COL19A1: variants seen among roughly 807,000 people sequenced by gnomAD.
The protein encoded by COL19A1 is collagen type XIX alpha 1 chain, also known as collagen alpha-1(XIX) chain.
Under a neutral mutation model 190.2 loss-of-function variants are expected in COL19A1, and 159 were observed. The observed-to-expected ratio is 0.84, with a 90% CI of 0.73 to 0.95. The LOEUF (loss-of-function observed/expected upper bound fraction) is 0.95. Among genes scored for constraint, COL19A1 ranks in the 40% least tolerant of loss-of-function variants. The probability of loss-of-function intolerance (pLI) is 0.00; values close to 1 mark genes in which losing one functional copy is unlikely to be tolerated. For missense variants in COL19A1, 1,418 were observed against 1,431.9 expected, an observed-to-expected ratio of 0.99 and a Z score of 0.16; for synonymous variants, 509 against 458.9, an observed-to-expected ratio of 1.11 and a Z score of -1.39.
intron 2 of COL19A1, among the ~76,000 whole-genome samples, chr6:69,893,498 G>C (rs190070611): frequency 1.8e-4 from 28 of 152,280 alleles, no homozygotes; most frequent in African/African-American, 5.3e-4. Context: ...CCTTTCTAAG[G>C]AGTCTGGGGA....
intron 11 of COL19A1, among the ~76,000 whole-genome samples, chr6:70,023,133 A>T (rs111497186): frequency 0.017 from 1,839 of 110,018 alleles, 24 homozygotes; most frequent in South Asian, 0.027. Flanking sequence ...TTATGCAGCT[A>T]TTTTTTTTTT....
intron 15 of COL19A1, among the ~76,000 whole-genome samples, chr6:70,091,498 C>T (rs1456054741): frequency 6.6e-6 from 1 of 152,044 alleles, no homozygotes; most frequent in African/African-American, 2.4e-5. Context: ...TGGGCACATG[C>T]CAGCTGAAAG....
intron 12 of COL19A1, among the ~76,000 whole-genome samples, chr6:70,025,099 C>T (rs1047553939): frequency 4.0e-5 from 6 of 150,702 alleles, no homozygotes; most frequent in Non-Finnish European, 7.4e-5. Context: ...GGCATGATCT[C>T]GGCTCACTGC....
chr6:69,936,735 A>C, intron 7 of COL19A1, 50 bp from the exon 8 acceptor site: 1 of 1,601,264 alleles, frequency 6.2e-7, no homozygotes, highest in Non-Finnish European at 8.5e-7. Flanking sequence ...TTGGAACATG[A>C]GAATGTTTGG....
chr6:69,937,758 G>C (rs145645084), intron 8 of COL19A1, among the ~76,000 whole-genome samples: 48 of 152,250 alleles, frequency 3.2e-4, no homozygotes, highest in African/African-American at 1.0e-3. Context: ...AGAAAGGCAA[G>C]GTTCGGGGGT....
chr6:70,118,897 A>C (rs1346366107), intron 16 of COL19A1, among the ~76,000 whole-genome samples: 1 of 152,148 alleles, frequency 6.6e-6, no homozygotes, highest in East Asian at 1.9e-4. Flanking sequence ...TGGTAAGCTC[A>C]GCAGCAGCCA....
chr6:69,945,553 A>G (rs1004912135), intron 9 of COL19A1, among the ~76,000 whole-genome samples: 4 of 152,152 alleles, frequency 2.6e-5, no homozygotes, highest in African/African-American at 9.6e-5. Flanking sequence ...ATAACTTTAC[A>G]GAAGTAGGAT....
At chr6:70,077,760 T>A (rs1224264785) in intron 15 of COL19A1, among the ~76,000 whole-genome samples, 1 of 152,086 alleles carries the variant, frequency 6.6e-6, no homozygotes, top group Non-Finnish European at 1.5e-5. Context: ...CTGCAGAGTA[T>A]CTACAAGTAT....
chr6:70,114,604 A>G lies in COL19A1; in HGVS notation c.1279-7276A>G, dbSNP rs576742856. Among the ~76,000 whole-genome samples the G allele has an allele frequency of 2.0e-4, 31 of 152,186 alleles. No homozygotes were observed. In the South Asian group the frequency reaches 6.0e-3, roughly 30 times the overall value. On this transcript the variant is annotated intron_variant, in intron 16 of 50. Coordinates refer to ENST00000620364, the MANE Select transcript of COL19A1 (RefSeq NM_001858.6). The stretch of plus-strand genomic sequence containing the variant: ...AATCATTATTTGCCATCTTCTCATT[A>G]TTTTTGTCTTTCTTTCCCAGGATTT...
At chr6:70,058,889 T>C (rs969025444) in intron 14 of COL19A1, among the ~76,000 whole-genome samples, 1 of 152,032 alleles carries the variant, frequency 6.6e-6, no homozygotes, top group African/African-American at 2.4e-5. Context: ...ACTTATTTGC[T>C]TTTTTCTTTT....
chr6:70,109,545 T>A (rs1784167018), intron 16 of COL19A1, among the ~76,000 whole-genome samples: 1 of 17,750 alleles, frequency 5.6e-5, no homozygotes, highest in South Asian at 2.4e-3. Flanking sequence ...TTTGTAAGTG[T>A]GTGTGTGTGT....
intron 41 of COL19A1, among the ~76,000 whole-genome samples, chr6:70,174,878 A>T (rs1765713241): frequency 6.6e-6 from 1 of 152,198 alleles, no homozygotes. Context: ...AATTAGAATG[A>T]TGTGGAATGG....
intron 15 of COL19A1, among the ~76,000 whole-genome samples, chr6:70,094,660 G>A (rs1029365572): frequency 1.3e-5 from 2 of 152,134 alleles, no homozygotes; most frequent in African/African-American, 4.8e-5. Context: ...AGGGCCAAAT[G>A]TTTATAAATC....
At chr6:70,140,581 G>A (rs565261029) in intron 19 of COL19A1, among the ~76,000 whole-genome samples, 39 of 152,048 alleles carry the variant, frequency 2.6e-4, no homozygotes, top group Middle Eastern at 3.4e-3. Context: ...TCCCTTCAAC[G>A]TTTTTATCAA....
chr6:70,031,016 C>T (rs994330781), intron 12 of COL19A1, among the ~76,000 whole-genome samples: 1 of 152,188 alleles, frequency 6.6e-6, no homozygotes, highest in Non-Finnish European at 1.5e-5. Context: ...CACATCATGT[C>T]ATTTTCCTGC....
At chr6:69,937,989 G>T in intron 8 of COL19A1, 49 bp from the exon 9 acceptor site, 1 of 1,575,936 alleles carries the variant, frequency 6.3e-7, no homozygotes, top group South Asian at 1.1e-5. Context: ...TTTGGCTTTA[G>T]ATCAATGTGA....
intron 18 of COL19A1, 122 bp downstream of exon 18, chr6:70,130,345 C>T: frequency 2.8e-6 from 2 of 719,034 alleles, no homozygotes; most frequent in Non-Finnish European, 4.5e-6. Flanking sequence ...CCTGCCTCAG[C>T]CTCCCAAGTA....
At chr6:69,869,596 A>G (rs1393585417) in intron 1 of COL19A1, among the ~76,000 whole-genome samples, 1 of 152,228 alleles carries the variant, frequency 6.6e-6, no homozygotes, top group East Asian at 1.9e-4. Context: ...ATACGGCCAT[A>G]TATTATATAT....
At chr6:69,921,883 C>T (rs1339760563) in intron 4 of COL19A1, among the ~76,000 whole-genome samples, 1 of 151,728 alleles carries the variant, frequency 6.6e-6, no homozygotes, top group Admixed American at 6.6e-5. Context: ...AAGTAAGGAT[C>T]AGCGATATTT....
Sources: gnomAD v4.1 joint callset for allele counts (sites outside exome capture counted in the v4.1 genomes callset) on GRCh38, gnomAD v4.1.1 for gene constraint, MANE v1.5 for transcripts, NCBI Gene and HGNC (gene_info 2026-07-23, HGNC 2026-07-21) for gene names.